Variants in AHSG observed in about 807,000 individuals in gnomAD.
AHSG encodes alpha 2-HS glycoprotein, also known as alpha-2-HS-glycoprotein.
In AHSG, 23 loss-of-function variants were observed where a neutral mutation model predicts 30.1. The observed-to-expected ratio is 0.76, with a 90% CI of 0.55 to 1.08. The LOEUF (loss-of-function observed/expected upper bound fraction) is 1.08. AHSG is among the 50% of genes least tolerant of loss of function. AHSG has a pLI of 0.00. For missense variants in AHSG, 469 were observed against 459.5 expected (o/e 1.02, Z -0.19); for synonymous variants, 164 against 186.3 (o/e 0.88, Z 0.98).
intron 2 of AHSG, 88 bp downstream of exon 2, chr3:186,615,883 C>G: frequency 8.2e-7 from 1 of 1,226,190 alleles, no homozygotes; most frequent in South Asian, 1.3e-5. Context: ...TCTTGGCTAG[C>G]CAGGGTGCAG....
intron 1 of AHSG, 85 bp downstream of exon 1, chr3:186,613,439 C>A: frequency 8.2e-7 from 1 of 1,217,480 alleles, no homozygotes; most frequent in Admixed American, 2.5e-5. Context: ...TCACCCAGTG[C>A]AAATGAAACC....
intron 3 of AHSG, 33 bp from the exon 4 acceptor site, chr3:186,617,154 C>T (rs1288113453): frequency 3.8e-6 from 6 of 1,585,648 alleles, no homozygotes; most frequent in South Asian, 1.2e-5. Context: ...GGGAGAATGG[C>T]TGCCCACATC....
At chr3:186,617,453 A>G (rs2108501795) in intron 4 of AHSG, 103 bp downstream of exon 4, 2 of 1,589,494 alleles carry the variant, frequency 1.3e-6, no homozygotes, top group East Asian at 4.5e-5. Flanking sequence ...GCGCAGGGGC[A>G]GCGATGAGAA....
In AHSG at chr3:186,620,728, T is replaced by C; in HGVS notation, c.902T>C (p.Leu301Pro). Residue 301 changes from leucine to proline, a missense_variant, in exon 7 of 7, where the codon CTG becomes CCG. Coordinates refer to ENST00000411641, the MANE Select transcript of AHSG (RefSeq NM_001622.4). ...TCACCCCCAGACTCCCATGTGTTACTGGCAGCTCCTCCAGGACACCAGTTG... is the reference window on the plus strand; with the variant it reads ...TCACCCCCAGACTCCCATGTGTTACCGGCAGCTCCTCCAGGACACCAGTTG... The part of the protein sequence containing the change: ...AGSPPDSHVL[L>P]AAPPGHQLHR... 6.2e-7 allele frequency: 1 copy of C among 1,614,206 alleles called. No homozygotes were observed. Among genetic ancestry groups the C allele is most frequent in the Non-Finnish European group, 8.5e-7 (1 of 1,180,034 alleles).
In AHSG at chr3:186,613,075, G is replaced by T; in HGVS notation, c.-67G>T. 1 of 1,453,780 alleles carries T rather than the reference G, an allele frequency of 6.9e-7. No individual in the cohort carries two copies. The allele number at this position is 1,453,780 out of a possible 1,614,324, so 90.1% of individuals were successfully genotyped here. On this transcript the variant is annotated 5_prime_UTR_variant, in exon 1 of 7. Coordinates refer to ENST00000411641, the MANE Select transcript of AHSG (RefSeq NM_001622.4). ...CTCCATGGGTCTACCTTTCCCAGCA[G>T]AGCACCTGGGTTGGTCCCGAAGCCT...
At chr3:186,619,634 CT>C (rs1716415779) in intron 5 of AHSG, among the ~76,000 whole-genome samples, 1 of 152,090 alleles carries the variant, frequency 6.6e-6, no homozygotes, top group African/African-American at 2.4e-5. Context: ...AACAGTCCTT[CT>C]TTCTAGGCCA....
At chr3:186,616,287 T>C (rs1232526564) in intron 2 of AHSG, among the ~76,000 whole-genome samples, 156 bp from the exon 3 acceptor site, 3 of 152,228 alleles carry the variant, frequency 2.0e-5, no homozygotes, top group African/African-American at 7.2e-5. Flanking sequence ...CGTTTAACTA[T>C]ATCGTTGTAT....
Position 186,619,931 on chromosome 3 carries a change from C to G in AHSG, c.750C>G (p.Phe250Leu). ...AGGTTGCAGTGACCTGCATGGTGTT[C>G]CAAACACAGGTAACAGCTCCGTGAA... ...GAEVAVTCMV[F>L]QTQPVSSQPQ... is the part of the protein sequence containing the mutation. The change falls in exon 6 of 7, where the codon TTC (phenylalanine) becomes TTG (leucine). Residue 250 changes from phenylalanine to leucine, a missense_variant. Transcript: ENST00000411641. 6.2e-7 allele frequency: 1 copy of G among 1,610,490 alleles called. No individual in the cohort carries two copies. Among genetic ancestry groups the G allele is most frequent in the East Asian group, 2.2e-5 (1 of 44,814 alleles).
At chr3:186,616,618 C>A in intron 3 of AHSG, 91 bp downstream of exon 3, 1 of 1,128,732 alleles carries the variant, frequency 8.9e-7, no homozygotes, top group Non-Finnish European at 1.3e-6. Flanking sequence ...GTTCTAGCAG[C>A]TTTGTCGGTG....
At position 186,613,232 on chromosome 3, in the gene AHSG, A is replaced by G; in HGVS notation, c.91A>G (p.Asn31Asp). Residue 31 changes from asparagine to aspartate, a missense_variant, in exon 1 of 7, where the codon AAC (asparagine) becomes GAC (aspartate). Asn to Asp is a conservative substitution (Grantham distance 23, BLOSUM62 1). Transcript: ENST00000411641. ...HGPGLIYRQP[N>D]CDDPETEEAA... is the part of the protein sequence containing the mutation. The stretch of plus-strand genomic sequence containing the variant: ...CCCAGGGCTGATTTATAGACAACCG[A>G]ACTGCGATGATCCAGAAACTGAGGA... 1 of 1,614,146 alleles carries G rather than the reference A, an allele frequency of 6.2e-7. No homozygotes were observed. Among genetic ancestry groups the G allele is most frequent in the Non-Finnish European group, 8.5e-7 (1 of 1,180,014 alleles).
chr3:186,617,680 A>C, intron 4 of AHSG: 1 of 403,626 alleles, frequency 2.5e-6, no homozygotes, highest in Non-Finnish European at 4.7e-6. Context: ...CGTCGGCCAG[A>C]AGCACTCACT....
chr3:186,616,329 T>G, intron 2 of AHSG, 114 bp from the exon 3 acceptor site: 1 of 686,444 alleles, frequency 1.5e-6, no homozygotes, highest in Non-Finnish European at 2.5e-6. Context: ...TGTTTCAGTA[T>G]TACCCAGCAA....
At chr3:186,617,488 G>A in intron 4 of AHSG, 138 bp downstream of exon 4, 2 of 1,492,480 alleles carry the variant, frequency 1.3e-6, no homozygotes. Context: ...TGTTTGGAAA[G>A]GGAAGAAAGC....
At position 186,621,080 on chromosome 3, in the gene AHSG, C is replaced by T. The variant is rs11540663; in HGVS notation, c.*150C>T. 0.059 allele frequency: 42,819 copies of T among 730,158 alleles called. 1,550 individuals are homozygous for T. Among genetic ancestry groups the T allele is most frequent in the Middle Eastern group, 0.076 (217 of 2,858 alleles). The allele number at this position is 730,158 out of a possible 1,614,324, so 45.2% of individuals were successfully genotyped here. A position where few individuals can be genotyped will look rare whatever the true frequency, so the allele number is the denominator to read the frequency against. ...TATCAAGTCTTGACTCCCTACTTCC[C>T]GTCATTCCTCACAGGACAGAAGCAG... On this transcript the variant is annotated 3_prime_UTR_variant, in exon 7 of 7. Coordinates refer to ENST00000411641, the MANE Select transcript of AHSG (RefSeq NM_001622.4).
chr3:186,614,712 C>G (rs1716242495), intron 1 of AHSG, among the ~76,000 whole-genome samples: 1 of 152,218 alleles, frequency 6.6e-6, no homozygotes, highest in Non-Finnish European at 1.5e-5. Context: ...GTACCCGGTT[C>G]CTGTTCGCCA....
chr3:186,613,065 T>A lies in AHSG; in HGVS notation c.-77T>A, dbSNP rs1450570630. ...GCCCACCACCCTCCATGGGTCTACC[T>A]TTCCCAGCAGAGCACCTGGGTTGGT... On this transcript the variant is annotated 5_prime_UTR_variant, in exon 1 of 7. Coordinates refer to ENST00000411641, the MANE Select transcript of AHSG (RefSeq NM_001622.4). 7.3e-7 allele frequency: 1 copy of A among 1,364,010 alleles called. No individual in the cohort carries two copies. The highest frequency in any genetic ancestry group is 1.2e-5 in the South Asian group (1 of 82,458). The allele number at this position is 1,364,010 out of a possible 1,614,324, so 84.5% of individuals were successfully genotyped here.
At chr3:186,615,647 G>C (rs752284124) in intron 1 of AHSG, 38 bp from the exon 2 acceptor site, 1 of 1,555,928 alleles carries the variant, frequency 6.4e-7, no homozygotes, top group Non-Finnish European at 8.9e-7. Flanking sequence ...AGGATCAGGG[G>C]AATAGGTTGC....
Position 186,620,697 on chromosome 3 carries a change from G to C in AHSG, c.871G>C (p.Ala291Pro). ...PPLGAPGLPP[A>P]GSPPDSHVLL... ...ACTTGGCGCACCTGGACTCCCTCCA[G>C]CTGGCTCACCCCCAGACTCCCATGT... Residue 291 changes from alanine (A) to proline (P), a missense_variant, in exon 7 of 7, where the codon GCT becomes CCT. Coordinates refer to ENST00000411641, the MANE Select transcript of AHSG (RefSeq NM_001622.4). 6.2e-7 allele frequency: 1 copy of C among 1,614,168 alleles called. No homozygotes were observed.
chr3:186,620,719 A>T lies in AHSG; in HGVS notation c.893A>T (p.His298Leu), dbSNP rs779306798. The change falls in exon 7 of 7, where the codon CAT becomes CTT. Residue 298 changes from histidine to leucine, a missense_variant. His to Leu is a moderately conservative substitution (Grantham distance 99). Transcript: ENST00000411641. The part of the protein sequence containing the change: ...LPPAGSPPDS[H>L]VLLAAPPGHQ... ...CCAGCTGGCTCACCCCCAGACTCCC[A>T]TGTGTTACTGGCAGCTCCTCCAGGA... 3 of 1,614,088 alleles carry T rather than the reference A, an allele frequency of 1.9e-6. No homozygotes were observed. In the South Asian group the frequency reaches 3.3e-5, roughly 18 times the overall value.
Sources: allele counts gnomAD v4.1 joint callset (sites outside exome capture counted in the v4.1 genomes callset), GRCh38; gene constraint gnomAD v4.1.1; transcripts MANE v1.5; gene names NCBI Gene and HGNC (gene_info 2026-07-23, HGNC 2026-07-21).